The following C14orf180 variants were observed in gnomAD, a reference collection of about 807,000 sequenced individuals.
The protein encoded by C14orf180 is chromosome 14 open reading frame 180.
Under a neutral mutation model 13.9 loss-of-function variants are expected in C14orf180, and 13 were observed. That is an observed-to-expected ratio of 0.94 (90% CI 0.61 to 1.49). The LOEUF (loss-of-function observed/expected upper bound fraction) is 1.49. Among genes scored for constraint, C14orf180 ranks in the 40% most tolerant of loss-of-function variants. The probability of loss-of-function intolerance (pLI) is 0.00; values close to 1 mark genes in which losing one functional copy is unlikely to be tolerated. For synonymous variants in C14orf180, 113 were observed against 106.3 expected (o/e 1.06, Z -0.39); for missense variants, 238 against 232.0 (o/e 1.03, Z -0.17).
chr14:104,585,008 C>A (rs1194662654), intron 1 of C14orf180, among the ~76,000 whole-genome samples: 1 of 152,228 alleles, frequency 6.6e-6, no homozygotes, highest in Non-Finnish European at 1.5e-5. Flanking sequence ...GGCACCCATC[C>A]CTTTGGGGGA....
chr14:104,582,099 G>A (rs777604816), intron 1 of C14orf180, among the ~76,000 whole-genome samples: 12 of 152,316 alleles, frequency 7.9e-5, no homozygotes, highest in Middle Eastern at 3.4e-3. Flanking sequence ...CCGCCCCGAG[G>A]AACCCTCAGG....
chr14:104,583,804 A>C (rs544579895), intron 1 of C14orf180, among the ~76,000 whole-genome samples: 4 of 152,188 alleles, frequency 2.6e-5, no homozygotes, highest in South Asian at 2.1e-4. Context: ...TCACCCACAC[A>C]TACGCAGATA....
chr14:104,582,152 C>T (rs564309138), intron 1 of C14orf180, among the ~76,000 whole-genome samples: 3 of 152,220 alleles, frequency 2.0e-5, no homozygotes, highest in South Asian at 2.1e-4. Context: ...GGCAAAAGGG[C>T]GGGCGGCACG....
chr14:104,585,830 G>A (rs1360066746), intron 1 of C14orf180, among the ~76,000 whole-genome samples: 2 of 152,138 alleles, frequency 1.3e-5, no homozygotes, highest in East Asian at 1.9e-4. Flanking sequence ...GCGGTGCAGA[G>A]AGAGACACAG....
chr14:104,585,383 C>T (rs1329812584), intron 1 of C14orf180, among the ~76,000 whole-genome samples: 2 of 152,220 alleles, frequency 1.3e-5, no homozygotes, highest in African/African-American at 4.8e-5. Context: ...CAGACACCTG[C>T]ACCTGCACAG....
chr14:104,585,846 G>A (rs1886600168), intron 1 of C14orf180, among the ~76,000 whole-genome samples: 1 of 152,162 alleles, frequency 6.6e-6, no homozygotes, highest in African/African-American at 2.4e-5. Flanking sequence ...CACAGAGAGA[G>A]AGTGTGAGCC....
rs571498829 is a variant in C14orf180 at position 104,589,137 on chromosome 14, G to A, written c.*354G>A. 202 of 466,300 alleles carry A rather than the reference G, an allele frequency of 4.3e-4. 1 individual carries two copies. Among genetic ancestry groups the A allele is most frequent in the African/African-American group, 2.2e-3 (111 of 49,510 alleles). 28.9% of individuals were successfully genotyped at this position (466,300 alleles called of 1,614,324 possible). On this transcript the variant is annotated 3_prime_UTR_variant, in exon 5 of 5. Transcript: ENST00000557649. This position sits in a 1 kb window ranked among gnomAD's most constrained non-coding sequence, Gnocchi z 4.9. ...TCCTGCTGCTGCTAGGGCCTGGCCC[G>A]GCCATCACCGTGTGCACCCTCTTGA...
chr14:104,580,883 A>T lies in C14orf180; in HGVS notation c.-17+880A>T, dbSNP rs143435023. The stretch of plus-strand genomic sequence containing the variant: ...TCTCGAGGCCTAGGGTGGCCCCTGC[A>T]CCCAGCAGATGAGCAGCCATCACCC... On this transcript the variant is annotated intron_variant, in intron 1 of 4. Transcript: ENST00000557649. Among the ~76,000 whole-genome samples the T allele has an allele frequency of 2.6e-3, 392 of 152,300 alleles. 5 individuals are homozygous for T. The highest frequency in any genetic ancestry group is 0.026 in the East Asian group (133 of 5,174).
intron 1 of C14orf180, among the ~76,000 whole-genome samples, chr14:104,580,638 G>A (rs1005511828): frequency 1.6e-4 from 24 of 152,230 alleles, no homozygotes; most frequent in African/African-American, 5.3e-4. Flanking sequence ...AGTTCTCAGT[G>A]TTTGGGAATC....
At chr14:104,583,561 C>T (rs8017830) in intron 1 of C14orf180, among the ~76,000 whole-genome samples, 12 of 152,140 alleles carry the variant, frequency 7.9e-5, no homozygotes, top group African/African-American at 2.9e-4. Context: ...TAAGGTCACA[C>T]GTGGTCACAC....
intron 2 of C14orf180, 47 bp downstream of exon 2, chr14:104,586,588 T>C: frequency 8.0e-7 from 1 of 1,251,264 alleles, no homozygotes; most frequent in Non-Finnish European, 1.1e-6. Context: ...GGCCTTCCAC[T>C]GGGGGCTGGA....
Position 104,588,814 on chromosome 14 carries a change from C to T in C14orf180, c.*31C>T. 1 of 1,530,324 alleles carries T rather than the reference C, an allele frequency of 6.5e-7. No individual in the cohort carries two copies. The highest frequency in any genetic ancestry group is 1.2e-5 in the South Asian group (1 of 83,318). The allele number at this position is 1,530,324 out of a possible 1,614,324, so 94.8% of individuals were successfully genotyped here. A position where few individuals can be genotyped will look rare whatever the true frequency, so the allele number is the denominator to read the frequency against. ...AGGACGGGCAGGACGGGCAGGGCTTCCAGGAGAGCTCAAGCACTCCGGGGG... is the reference window on the plus strand; with the variant it reads ...AGGACGGGCAGGACGGGCAGGGCTTTCAGGAGAGCTCAAGCACTCCGGGGG... On this transcript the variant is annotated 3_prime_UTR_variant, in exon 5 of 5. Transcript: ENST00000557649.
In C14orf180 at chr14:104,589,003, G is replaced by C; in HGVS notation, c.*220G>C. On this transcript the variant is annotated 3_prime_UTR_variant, in exon 5 of 5. Transcript: ENST00000557649. The surrounding 1 kb of genome is among the most constrained non-coding windows in gnomAD (Gnocchi z 4.9). ...CCACACTAGTCAGCACAGCCCTCCTGTCTCCTGTGTTGGGTCCATGTGAGA... is the reference window on the plus strand; with the variant it reads ...CCACACTAGTCAGCACAGCCCTCCTCTCTCCTGTGTTGGGTCCATGTGAGA... The C allele has an allele frequency of 4.3e-6, 4 of 934,156 alleles. No homozygotes were observed. Among genetic ancestry groups the C allele is most frequent in the Non-Finnish European group, 6.1e-6 (4 of 651,818 alleles). 57.9% of individuals were successfully genotyped at this position (934,156 alleles called of 1,614,324 possible). A position where few individuals can be genotyped will look rare whatever the true frequency, so the allele number is the denominator to read the frequency against.
chr14:104,587,034 G>A (rs1237512173), intron 2 of C14orf180, among the ~76,000 whole-genome samples: 4 of 152,210 alleles, frequency 2.6e-5, no homozygotes, highest in Non-Finnish European at 4.4e-5. Context: ...AGCCTCGCCA[G>A]ATGCCGAGCA....
intron 1 of C14orf180, among the ~76,000 whole-genome samples, chr14:104,583,320 AG>A (rs1886503198): frequency 6.6e-6 from 1 of 152,176 alleles, no homozygotes; most frequent in African/African-American, 2.4e-5. Flanking sequence ...GTCATCCCAT[AG>A]GATGTCCTGA....
rs144178047 is a variant in C14orf180 at position 104,586,869 on chromosome 14, A to C, written c.111+328A>C. On this transcript the variant is annotated intron_variant, in intron 2 of 4. Transcript: ENST00000557649. ...GAGGGTGGAGAGAGGACAGGTCAAG[A>C]CTGTCACCAAGGGTCAGTGTTAGGG... is the stretch of plus-strand genomic sequence containing the variant. Among the ~76,000 whole-genome samples the C allele has an allele frequency of 7.2e-5, 11 of 152,246 alleles. No individual in the cohort carries two copies. The East Asian group carries it at 2.1e-3, about 29-fold the overall frequency.
intron 1 of C14orf180, among the ~76,000 whole-genome samples, chr14:104,583,952 C>T (rs939355464): frequency 6.6e-6 from 1 of 152,176 alleles, no homozygotes; most frequent in Admixed American, 6.5e-5. Context: ...ACACCCCACA[C>T]GTGCACACTC....
In C14orf180 at chr14:104,588,691, G is replaced by A; in HGVS notation, c.391G>A (p.Ala131Thr). Residue 131 changes from alanine to threonine, a missense_variant, in exon 5 of 5, where the codon GCA (alanine) becomes ACA (threonine). By Grantham distance (58) the Ala-to-Thr change is moderately conservative. Coordinates refer to ENST00000557649, the MANE Select transcript of C14orf180 (RefSeq NM_001008404.3). ...CGGCCGGGCCAAGCCCGTGGCAACG[G>A]CACTGGAGGACCTGCGGGCCCGGCT... ...YCGRAKPVATALEDLRARLLG... is the reference protein window; with the variant it reads ...YCGRAKPVATTLEDLRARLLG... 6.5e-7 allele frequency: 1 copy of A among 1,535,534 alleles called. No homozygotes were observed. Among genetic ancestry groups the A allele is most frequent in the East Asian group, 2.4e-5 (1 of 40,862 alleles).
chr14:104,585,867 G>T (rs1486111472), intron 1 of C14orf180, among the ~76,000 whole-genome samples: 1 of 152,064 alleles, frequency 6.6e-6, no homozygotes, highest in Non-Finnish European at 1.5e-5. Flanking sequence ...GTGCTGAGGG[G>T]TGGGCCCCCA....
Sources: gnomAD v4.1 joint callset for allele counts (sites outside exome capture counted in the v4.1 genomes callset) on GRCh38, gnomAD v4.1.1 for gene constraint, Gnocchi (gnomAD v3.1) non-coding constraint, MANE v1.5 for transcripts, NCBI Gene and HGNC (gene_info 2026-07-23, HGNC 2026-07-21) for gene names.